The following ROBO2 variants were observed in gnomAD, a reference collection of about 807,000 sequenced individuals.
ROBO2 encodes roundabout guidance receptor 2, also known as roundabout homolog 2.
Under a neutral mutation model 160.8 loss-of-function variants are expected in ROBO2, and 53 were observed. That is an observed-to-expected ratio of 0.33 (90% CI 0.26 to 0.41). The LOEUF is 0.41. Ranked by LOEUF, ROBO2 falls within the 10% of genes least tolerant of loss-of-function variation. The probability of loss-of-function intolerance (pLI) is 1.00; values close to 1 mark genes in which losing one functional copy is unlikely to be tolerated. For synonymous variants in ROBO2, 664 were observed against 611.7 expected (o/e 1.09, Z -1.26); for missense variants, 1,577 against 1,722.4 (o/e 0.92, Z 1.49).
intron 2 of ROBO2, among the ~76,000 whole-genome samples, chr3:77,207,658 A>G (rs2083603270): frequency 6.6e-6 from 1 of 152,162 alleles, no homozygotes; most frequent in South Asian, 2.1e-4. Flanking sequence ...TCACTCTCCA[A>G]TGGGGATGAT....
intron 2 of ROBO2, among the ~76,000 whole-genome samples, chr3:76,798,629 T>C (rs888621393): frequency 7.9e-5 from 12 of 152,138 alleles, no homozygotes; most frequent in Admixed American, 7.9e-4. Context: ...CAGTGGCTCA[T>C]GCCTATAATC....
At chr3:76,857,319 G>T (rs1449246136) in intron 2 of ROBO2, among the ~76,000 whole-genome samples, 1 of 152,092 alleles carries the variant, frequency 6.6e-6, no homozygotes, top group Non-Finnish European at 1.5e-5. Context: ...GCATTCCCCA[G>T]TTCCTTTTTG....
chr3:77,599,964 A>C (rs985106240), intron 19 of ROBO2, among the ~76,000 whole-genome samples: 1 of 152,198 alleles, frequency 6.6e-6, no homozygotes, highest in Admixed American at 6.5e-5. Flanking sequence ...AAGGAAATAA[A>C]TGTGAGTACA....
chr3:76,203,042 T>C (rs1428910306), intron 2 of ROBO2, among the ~76,000 whole-genome samples: 1 of 151,200 alleles, frequency 6.6e-6, no homozygotes, highest in African/African-American at 2.5e-5. Context: ...GAACAACCCT[T>C]AGAAATTACA....
At chr3:77,294,039 T>A (rs1213881627) in intron 2 of ROBO2, among the ~76,000 whole-genome samples, 2 of 123,592 alleles carry the variant, frequency 1.6e-5, no homozygotes, top group Admixed American at 8.7e-5. Flanking sequence ...TAAAGTAAAA[T>A]TGAAGATTAA....
At chr3:76,701,320 A>G (rs1051664992) in intron 2 of ROBO2, among the ~76,000 whole-genome samples, 4 of 152,138 alleles carry the variant, frequency 2.6e-5, no homozygotes, top group Non-Finnish European at 5.9e-5. Context: ...CAAGCATTTA[A>G]TTCTAGTATA....
At chr3:76,299,042 G>A (rs557392549) in intron 2 of ROBO2, among the ~76,000 whole-genome samples, 100 of 152,152 alleles carry the variant, frequency 6.6e-4, no homozygotes, top group Non-Finnish European at 1.2e-3. Flanking sequence ...CTCTTTCAGC[G>A]TGTTAGGCCA....
intron 2 of ROBO2, among the ~76,000 whole-genome samples, chr3:76,950,958 G>A (rs951126838): frequency 1.6e-4 from 24 of 152,028 alleles, no homozygotes; most frequent in African/African-American, 5.8e-4. Flanking sequence ...GAACTCCCAG[G>A]GTCAAGCAAT....
intron 1 of ROBO2, among the ~76,000 whole-genome samples, chr3:77,058,233 T>C (rs1486596410): frequency 1.3e-5 from 2 of 152,218 alleles, no homozygotes; most frequent in African/African-American, 4.8e-5. Flanking sequence ...GATAGCCATC[T>C]AGTTTTATTC....
chr3:77,574,787 G>A, intron 14 of ROBO2, 57 bp downstream of exon 15: 1 of 1,234,822 alleles, frequency 8.1e-7, no homozygotes, highest in Non-Finnish European at 1.2e-6. Context: ...TTCTGTTACA[G>A]TACCTATTTG....
At chr3:76,398,749 A>C (rs1201937772) in intron 2 of ROBO2, among the ~76,000 whole-genome samples, 1 of 151,924 alleles carries the variant, frequency 6.6e-6, no homozygotes, top group Non-Finnish European at 1.5e-5. Context: ...AGTATATTCT[A>C]TTGGTTTAGT....
At chr3:77,118,823 T>A (rs1011927856) in intron 2 of ROBO2, among the ~76,000 whole-genome samples, 2 of 152,214 alleles carry the variant, frequency 1.3e-5, no homozygotes, top group Non-Finnish European at 1.5e-5. Flanking sequence ...CAAACCTAGA[T>A]GGCATAGTCT....
intron 2 of ROBO2, among the ~76,000 whole-genome samples, chr3:76,494,677 G>A (rs2080040291): frequency 6.6e-6 from 1 of 152,128 alleles, no homozygotes. Flanking sequence ...AGTGACTTTA[G>A]CACAAAATAA....
chr3:77,512,696 G>A (rs934758065), intron 5 of ROBO2, among the ~76,000 whole-genome samples: 1 of 151,878 alleles, frequency 6.6e-6, no homozygotes, highest in Non-Finnish European at 1.5e-5. Context: ...ATGGAACTAT[G>A]GAATGCCTAT....
At chr3:76,979,594 G>T (rs976128555) in intron 2 of ROBO2, among the ~76,000 whole-genome samples, 1 of 143,026 alleles carries the variant, frequency 7.0e-6, no homozygotes, top group Middle Eastern at 3.5e-3. Flanking sequence ...TGTGTGTGTG[G>T]TGTGTGTGTG....
intron 2 of ROBO2, among the ~76,000 whole-genome samples, chr3:76,843,789 T>G (rs1017262227): frequency 3.3e-5 from 5 of 151,964 alleles, no homozygotes; most frequent in African/African-American, 1.2e-4. Context: ...TAATGTTTTA[T>G]AAGTCCTGTT....
intron 2 of ROBO2, among the ~76,000 whole-genome samples, chr3:77,291,852 T>A (rs2061317531): frequency 6.6e-6 from 1 of 151,742 alleles, no homozygotes; most frequent in Non-Finnish European, 1.5e-5. Flanking sequence ...AAGCTGAGGC[T>A]AGATCACCCC....
intron 1 of ROBO2, among the ~76,000 whole-genome samples, chr3:77,074,544 C>G (rs1460635737): frequency 2.6e-5 from 4 of 152,104 alleles, no homozygotes; most frequent in African/African-American, 9.7e-5. Context: ...CAGATGTTTC[C>G]TTTAGGATGG....
intron 2 of ROBO2, among the ~76,000 whole-genome samples, chr3:77,326,639 A>G (rs1376393283): frequency 6.6e-6 from 1 of 152,192 alleles, no homozygotes; most frequent in Non-Finnish European, 1.5e-5. Context: ...CTTTTTTTCA[A>G]ACAAATCACA....
Sources: allele counts gnomAD v4.1 joint callset (sites outside exome capture counted in the v4.1 genomes callset), GRCh38; gene constraint gnomAD v4.1.1; transcripts MANE v1.5; gene names NCBI Gene and HGNC (gene_info 2026-07-23, HGNC 2026-07-21).